The following ATP13A5 variants were observed in gnomAD, a reference collection of about 807,000 sequenced individuals.
The protein encoded by ATP13A5 is ATPase 13A5.
ATP13A5 carries 149 observed loss-of-function variants against 150.2 expected under a neutral mutation model. That is an observed-to-expected ratio of 0.99 (90% CI 0.87 to 1.14). The LOEUF (loss-of-function observed/expected upper bound fraction) is 1.14. Ranked by LOEUF, ATP13A5 falls within the 50% of genes most tolerant of loss-of-function variation. The probability of loss-of-function intolerance (pLI) is 0.00; values close to 1 mark genes in which losing one functional copy is unlikely to be tolerated. For missense variants in ATP13A5, 1,383 were observed against 1,449.3 expected (o/e 0.95, Z 0.74); for synonymous variants, 497 against 522.2 (o/e 0.95, Z 0.66).
intron 2 of ATP13A5, among the ~76,000 whole-genome samples, chr3:193,363,816 A>G (rs1018075313): frequency 2.0e-5 from 3 of 152,316 alleles, no homozygotes; most frequent in East Asian, 3.9e-4. Context: ...TGTAACACTG[A>G]CAGCCACTGC....
At position 193,310,666 on chromosome 3, in the gene ATP13A5, T is replaced by G; in HGVS notation, c.2497A>C (p.Ser833Arg). 2.5e-6 allele frequency: 4 copies of G among 1,608,742 alleles called. No individual in the cohort carries two copies. Among genetic ancestry groups the G allele is most frequent in the Non-Finnish European group, 3.4e-6 (4 of 1,178,704 alleles). The change falls in exon 21 of 30, where the codon AGC (serine) becomes CGC (arginine). Residue 833 changes from serine to arginine, a missense_variant. Coordinates refer to ENST00000342358, the MANE Select transcript of ATP13A5 (RefSeq NM_198505.4). ...AATTTCTGAAATTCTTCAATAAGGCTTGATTTCTGCCCAGGAGACATTCTT... is the reference window on the plus strand; with the variant it reads ...AATTTCTGAAATTCTTCAATAAGGCGTGATTTCTGCCCAGGAGACATTCTT... ...FARMSPGQKS[S>R]LIEEFQKLNY...
rs1004519344 is a variant in ATP13A5 at position 193,349,079 on chromosome 3, C to T, written c.741+1988G>A. 5.3e-5 allele frequency among the ~76,000 whole-genome samples: 8 copies of T among 152,142 alleles called. No homozygotes were observed. The East Asian group carries it at 1.2e-3, about 22-fold the overall frequency. On this transcript the variant is annotated intron_variant, in intron 7 of 29. Transcript: ENST00000342358. ...GTGAATGTGGGCGCCTATTGTAAACCGTAAAGTCCTAAACAGATGTTGATG... is the reference window on the plus strand; with the variant it reads ...GTGAATGTGGGCGCCTATTGTAAACTGTAAAGTCCTAAACAGATGTTGATG...
At chr3:193,311,548 G>C (rs2108851696) in intron 20 of ATP13A5, among the ~76,000 whole-genome samples, 1 of 152,274 alleles carries the variant, frequency 6.6e-6, no homozygotes, top group African/African-American at 2.4e-5. Context: ...TCCTGGGTGG[G>C]GAGGGAAAGA....
chr3:193,306,777 A>C (rs2108846262), intron 22 of ATP13A5, among the ~76,000 whole-genome samples: 1 of 152,306 alleles, frequency 6.6e-6, no homozygotes, highest in African/African-American at 2.4e-5. Context: ...CATTTTATTT[A>C]GCTTTTTCTA....
intron 7 of ATP13A5, among the ~76,000 whole-genome samples, chr3:193,349,675 G>A (rs562820411): frequency 2.6e-5 from 4 of 152,158 alleles, no homozygotes; most frequent in African/African-American, 9.6e-5. Flanking sequence ...TCAGGAAAAT[G>A]TACCTTAAAA....
chr3:193,337,971 G>A (rs1711957992), intron 9 of ATP13A5, among the ~76,000 whole-genome samples: 2 of 152,068 alleles, frequency 1.3e-5, no homozygotes. Context: ...TGGATTCCTA[G>A]GTATTTTATT....
intron 19 of ATP13A5, chr3:193,312,736 C>G (rs1243220620): frequency 6.6e-6 from 1 of 152,068 alleles, no homozygotes; most frequent in African/African-American, 2.4e-5. Context: ...CATCAGATGA[C>G]TTCATCTCAG....
chr3:193,298,384 A>C (rs1560119661), intron 25 of ATP13A5, among the ~76,000 whole-genome samples: 1 of 152,138 alleles, frequency 6.6e-6, no homozygotes, highest in Non-Finnish European at 1.5e-5. Context: ...TATAGCTCTG[A>C]TACTGATAAA....
At chr3:193,340,773 A>T (rs1712086410) in intron 9 of ATP13A5, among the ~76,000 whole-genome samples, 1 of 152,224 alleles carries the variant, frequency 6.6e-6, no homozygotes, top group Admixed American at 6.5e-5. Context: ...TGTTTTCTTC[A>T]TATAACTTAT....
intron 21 of ATP13A5, among the ~76,000 whole-genome samples, chr3:193,308,711 C>CA (rs1353841964): frequency 6.6e-6 from 1 of 152,090 alleles, no homozygotes; most frequent in African/African-American, 2.4e-5. Context: ...ATGACAAAGG[C>CA]ATGAGGAGGA....
intron 16 of ATP13A5, among the ~76,000 whole-genome samples, chr3:193,319,410 A>G (rs537803079): frequency 2.0e-4 from 30 of 152,204 alleles, no homozygotes; most frequent in Non-Finnish European, 2.6e-4. Flanking sequence ...TGGGGCCTTC[A>G]GGAGGTAATT....
rs1170774281 is a variant in ATP13A5 at position 193,319,004 on chromosome 3, C to T, written c.2020G>A (p.Glu674Lys). ...TGAATTGCTTACCTGGCTAAGTGCT[C>T]GACTTCTGAAAGATTCCCCATCTTT... is the stretch of plus-strand genomic sequence containing the variant. ...TLKMGNLSEV[E>K]HLAREKVESE... The change falls in exon 17 of 30, where the codon GAG (glutamate) becomes AAG (lysine). Residue 674 changes from glutamate to lysine, a missense_variant. Glu to Lys is a moderately conservative substitution (Grantham distance 56). Transcript: ENST00000342358. The T allele has an allele frequency of 1.9e-6, 3 of 1,613,594 alleles. No homozygotes were observed. In the Admixed American group the frequency reaches 5.0e-5, roughly 27 times the overall value.
intron 1 of ATP13A5, among the ~76,000 whole-genome samples, chr3:193,371,921 G>A (rs1375457047): frequency 6.6e-6 from 1 of 151,924 alleles, no homozygotes; most frequent in Admixed American, 6.6e-5. Context: ...ATATTTACAG[G>A]TTCTGCCCAC....
chr3:193,289,755 A>C, intron 26 of ATP13A5, 130 bp downstream of exon 26: 1 of 822,648 alleles, frequency 1.2e-6, no homozygotes, highest in Non-Finnish European at 1.8e-6. Flanking sequence ...CTGTCCCATC[A>C]TTTGAGTTTT....
At chr3:193,307,612 G>A (rs549038689) in intron 21 of ATP13A5, among the ~76,000 whole-genome samples, 71 of 152,250 alleles carry the variant, frequency 4.7e-4, no homozygotes, top group African/African-American at 1.7e-3. Context: ...CAAGGACATC[G>A]GCAAAACAGT....
chr3:193,283,966 C>G (rs1717608996), intron 27 of ATP13A5, among the ~76,000 whole-genome samples: 1 of 150,034 alleles, frequency 6.7e-6, no homozygotes, highest in South Asian at 2.1e-4. Context: ...CCAGTCTGAT[C>G]AGTAATGATG....
chr3:193,374,472 G>A lies in ATP13A5; in HGVS notation c.63+4191C>T, dbSNP rs115900258. Among the ~76,000 whole-genome samples, 1,236 of 152,128 alleles carry A rather than the reference G, an allele frequency of 8.1e-3. 20 individuals carry two copies. Among genetic ancestry groups the A allele is most frequent in the African/African-American group, 0.028 (1,148 of 41,510 alleles). On this transcript the variant is annotated intron_variant, in intron 1 of 29. Coordinates refer to ENST00000342358, the MANE Select transcript of ATP13A5 (RefSeq NM_198505.4). ...AGCCTGGAAAACGTAGGGAGACCTCGTCTCTACTGAAATTTTTAAAAAATT... is the reference window on the plus strand; with the variant it reads ...AGCCTGGAAAACGTAGGGAGACCTCATCTCTACTGAAATTTTTAAAAAATT...
At chr3:193,340,905 T>A (rs1364903072) in intron 9 of ATP13A5, among the ~76,000 whole-genome samples, 1 of 152,186 alleles carries the variant, frequency 6.6e-6, no homozygotes, top group Non-Finnish European at 1.5e-5. Flanking sequence ...CCTGCAGAGT[T>A]CCTGCTCCAT....
At chr3:193,292,673 T>A (rs1718014011) in intron 25 of ATP13A5, among the ~76,000 whole-genome samples, 1 of 152,058 alleles carries the variant, frequency 6.6e-6, no homozygotes, top group Admixed American at 6.6e-5. Context: ...TTAACCAAGA[T>A]CAACTGATCT....
Sources: allele counts gnomAD v4.1 joint callset (sites outside exome capture counted in the v4.1 genomes callset), GRCh38; gene constraint gnomAD v4.1.1; transcripts MANE v1.5; gene names NCBI Gene and HGNC (gene_info 2026-07-23, HGNC 2026-07-21).